The following PTPRK variants were observed in gnomAD, a reference collection of about 807,000 sequenced individuals.
PTPRK encodes receptor-type tyrosine-protein phosphatase kappa.
PTPRK carries 75 observed loss-of-function variants against 178.0 expected under a neutral mutation model. The ratio of observed to expected loss-of-function variants is 0.42; its 90% CI spans 0.35 to 0.51. PTPRK has a LOEUF of 0.51. Among genes scored for constraint, PTPRK ranks in the 20% least tolerant of loss-of-function variants. PTPRK has a pLI of 0.02. For missense variants in PTPRK, 1,441 were observed against 1,797.8 expected (o/e 0.80, Z 3.59); for synonymous variants, 637 against 620.6 (o/e 1.03, Z -0.39).
chr6:128,007,428 C>T (rs1405657934), intron 14 of PTPRK, among the ~76,000 whole-genome samples: 1 of 150,734 alleles, frequency 6.6e-6, no homozygotes, highest in Non-Finnish European at 1.5e-5. Context: ...ATTATGAAAG[C>T]TCAAATGTTA....
In PTPRK at chr6:128,058,732, AT is replaced by A. The variant is rs372505479; in HGVS notation, c.2194+6025del. 6.0e-3 allele frequency among the ~76,000 whole-genome samples: 900 copies of A among 149,488 alleles called. 12 individuals are homozygous for A. Among genetic ancestry groups the A allele is most frequent in the African/African-American group, 0.02 (811 of 40,822 alleles). ...ATTATTTTTTTAAAAAATTGTTTAA[AT>A]TTTTTTTTTCTGGTGGAGGATGGTG... On this transcript the variant is annotated intron_variant, in intron 13 of 29. Transcript: ENST00000368226.
chr6:128,338,160 T>C (rs1400236036), intron 2 of PTPRK, among the ~76,000 whole-genome samples: 2 of 152,172 alleles, frequency 1.3e-5, no homozygotes, highest in Non-Finnish European at 2.9e-5. Flanking sequence ...GGCCACAATG[T>C]ATAAAACATA....
intron 7 of PTPRK, among the ~76,000 whole-genome samples, chr6:128,147,460 C>A (rs1282182718): frequency 6.6e-6 from 1 of 152,130 alleles, no homozygotes; most frequent in Non-Finnish European, 1.5e-5. Context: ...CAGTGTCTCT[C>A]TTCCATGGAT....
intron 15 of PTPRK, chr6:128,003,266 T>A: frequency 5.8e-5 from 67 of 1,155,302 alleles, no homozygotes; most frequent in Non-Finnish European, 7.5e-5. Flanking sequence ...AGGAATATAT[T>A]GCTCTAAAAT....
chr6:128,133,280 T>G (rs1384406026), intron 7 of PTPRK, among the ~76,000 whole-genome samples: 1 of 152,170 alleles, frequency 6.6e-6, no homozygotes, highest in Non-Finnish European at 1.5e-5. Flanking sequence ...ACGGTTTATT[T>G]CAGGTTTAAA....
At position 128,067,708 on chromosome 6, in the gene PTPRK, G is replaced by A. The variant is rs1375245371; in HGVS notation, c.1968C>T (p.Val656=). The change falls in exon 12 of 30, where the codon GTC becomes GTT. Residue 656 remains valine, a synonymous_variant. Coordinates refer to ENST00000368226, the MANE Select transcript of PTPRK (RefSeq NM_002844.4). ...CCCCACTCATGGCATTTTGGTATGT[G>A]ACAGGAACCTGGTAGCATTCCATGG... is the stretch of plus-strand genomic sequence containing the variant. ...AGAMECYQVP[V]TYQNAMSGGA... 6.2e-6 allele frequency: 10 copies of A among 1,613,660 alleles called. No homozygotes were observed. The highest frequency in any genetic ancestry group is 8.5e-6 in the Non-Finnish European group (10 of 1,179,784).
intron 6 of PTPRK, among the ~76,000 whole-genome samples, chr6:128,188,567 T>C (rs190597381): frequency 6.6e-6 from 1 of 152,308 alleles, no homozygotes; most frequent in East Asian, 1.9e-4. Context: ...AGATTAGTCC[T>C]ACCACTACAG....
chr6:128,186,083 T>A (rs984943346), intron 6 of PTPRK, among the ~76,000 whole-genome samples: 1 of 152,126 alleles, frequency 6.6e-6, no homozygotes, highest in Non-Finnish European at 1.5e-5. Flanking sequence ...TCAAGAAGAT[T>A]CTTTCAAAAT....
chr6:128,274,710 A>G (rs1820437916), intron 3 of PTPRK, among the ~76,000 whole-genome samples: 1 of 152,040 alleles, frequency 6.6e-6, no homozygotes, highest in African/African-American at 2.4e-5. Flanking sequence ...AAAAAGTGAC[A>G]AGTATGTTGT....
intron 2 of PTPRK, among the ~76,000 whole-genome samples, chr6:128,385,081 A>G (rs1838504640): frequency 4.1e-5 from 6 of 147,988 alleles, no homozygotes; most frequent in Admixed American, 3.4e-4. Flanking sequence ...CTATATTAAT[A>G]TAATTAATAT....
intron 13 of PTPRK, among the ~76,000 whole-genome samples, chr6:128,041,437 T>C (rs1777147349): frequency 6.6e-6 from 1 of 152,032 alleles, no homozygotes; most frequent in Non-Finnish European, 1.5e-5. Context: ...AATAGGGCAA[T>C]AGTCATAAAC....
Position 128,519,276 on chromosome 6 carries a change from C to CGA in PTPRK, c.100+981_100+982dup, listed in dbSNP as rs1858601733. On this transcript the variant is annotated intron_variant, in intron 1 of 29. Transcript: ENST00000368226. This position sits in a 1 kb window ranked among gnomAD's most constrained non-coding sequence, Gnocchi z 4.3. The stretch of plus-strand genomic sequence containing the variant: ...GAACGAAAGAAGCAACCAACCTACA[C>CGA]GAAGGATAACAAAACTGGAGGGGAA... The CGA allele has an allele frequency of 2.7e-6, 1 of 367,480 alleles. No individual in the cohort carries two copies. The highest frequency in any genetic ancestry group is 2.1e-5 in the African/African-American group (1 of 46,970). 22.8% of individuals were successfully genotyped at this position (367,480 alleles called of 1,614,324 possible).
In PTPRK at chr6:128,393,825, T is replaced by C. The variant is rs538408961; in HGVS notation, c.223+3741A>G. Reference sequence around the variant, plus strand: ...TCCCAGCCTTGTGTGCATTGGTTTTTATTTTTTTCAATTTACATTGACATA... The same window carrying C: ...TCCCAGCCTTGTGTGCATTGGTTTTCATTTTTTTCAATTTACATTGACATA... On this transcript the variant is annotated intron_variant, in intron 2 of 29. Transcript: ENST00000368226. Among the ~76,000 whole-genome samples the C allele has an allele frequency of 5.9e-5, 9 of 152,346 alleles. No homozygotes were observed. In the East Asian group the frequency reaches 1.7e-3, roughly 29 times the overall value.
At position 128,093,639 on chromosome 6, in the gene PTPRK, AC is replaced by A. The variant is rs1350055231; in HGVS notation, c.1163-3648del. The stretch of plus-strand genomic sequence containing the variant: ...AAAAAAAAAACGAAAAAACAAAAAA[AC>A]AAAACAAAACAAAAAACAAAAAAGG... On this transcript the variant is annotated intron_variant, in intron 7 of 29. Transcript: ENST00000368226. 1.8e-3 allele frequency among the ~76,000 whole-genome samples: 267 copies of A among 149,794 alleles called. 2 individuals carry two copies. Among genetic ancestry groups the A allele is most frequent in the African/African-American group, 6.3e-3 (257 of 40,794 alleles).
chr6:128,464,649 A>ATATATATATG (rs1849580992), intron 1 of PTPRK, among the ~76,000 whole-genome samples: 3 of 96,186 alleles, frequency 3.1e-5, no homozygotes, highest in African/African-American at 1.5e-4. Context: ...ATATATATAT[A>ATATATATATG]TATATATATA....
chr6:128,316,907 A>C (rs1828076654), intron 3 of PTPRK, among the ~76,000 whole-genome samples: 1 of 151,804 alleles, frequency 6.6e-6, no homozygotes, highest in African/African-American at 2.4e-5. Flanking sequence ...AGTTTCAAGA[A>C]AACAATGACT....
intron 1 of PTPRK, among the ~76,000 whole-genome samples, chr6:128,445,427 A>T (rs907453362): frequency 1.3e-5 from 2 of 149,646 alleles, no homozygotes; most frequent in Admixed American, 6.7e-5. Context: ...AGCTTTAGGC[A>T]TCATCTATTG....
rs374215721 is a variant in PTPRK, at chr6:128,377,670, T to C, written c.223+19896A>G. Among the ~76,000 whole-genome samples, 9 of 151,002 alleles carry C rather than the reference T, an allele frequency of 6.0e-5. No homozygotes were observed. The East Asian group carries it at 1.6e-3, about 26-fold the overall frequency. On this transcript the variant is annotated intron_variant, in intron 2 of 29. Coordinates refer to ENST00000368226, the MANE Select transcript of PTPRK (RefSeq NM_002844.4). ...GCATCTTGAGAAAAGTTAAAAGGGA[T>C]ATGAAAGTGATCAACTTCATTAAAG...
At chr6:128,276,743 G>A (rs751033013) in intron 3 of PTPRK, among the ~76,000 whole-genome samples, 13 of 152,114 alleles carry the variant, frequency 8.5e-5, no homozygotes, top group South Asian at 4.1e-4. Flanking sequence ...AAGGAGTTGC[G>A]TATCTTTCAA....
Sources: gnomAD v4.1 joint callset for allele counts (sites outside exome capture counted in the v4.1 genomes callset) on GRCh38, gnomAD v4.1.1 for gene constraint, Gnocchi (gnomAD v3.1) non-coding constraint, MANE v1.5 for transcripts, NCBI Gene and HGNC (gene_info 2026-07-23, HGNC 2026-07-21) for gene names.